The following PSMA6 variants were observed in gnomAD, a reference collection of about 807,000 sequenced individuals.
PSMA6 encodes the protein proteasome subunit alpha type-6.
For synonymous variants in PSMA6, 88 were observed against 97.7 expected (o/e 0.90, Z 0.59); for missense variants, 170 against 294.8 (o/e 0.58, Z 3.10).
In PSMA6 at chr14:35,317,314, C is replaced by T. The variant is rs769922191; in HGVS notation, c.*8C>T. The T allele has an allele frequency of 5.0e-6, 8 of 1,600,660 alleles. No homozygotes were observed. Among genetic ancestry groups the T allele is most frequent in the East Asian group, 4.5e-5 (2 of 44,810 alleles). ...CTAGCAGAGAGAGACTAAACATTGT[C>T]GTTAGTTTACCAGATCCGTGATGCC... On this transcript the variant is annotated 3_prime_UTR_variant, in exon 7 of 7. Transcript: ENST00000261479.
chr14:35,293,262 C>T (rs2051523498), intron 1 of PSMA6: 1 of 327,658 alleles, frequency 3.1e-6, no homozygotes, highest in South Asian at 2.4e-5. Flanking sequence ...AATGCCGATT[C>T]TGAGTTGTAG....
intron 1 of PSMA6, among the ~76,000 whole-genome samples, chr14:35,304,859 A>C (rs1423258083): frequency 6.6e-6 from 1 of 152,180 alleles, no homozygotes; most frequent in Non-Finnish European, 1.5e-5. Flanking sequence ...AGGCAAGAGG[A>C]TCATTTGAGG....
chr14:35,296,539 C>G (rs2051592006), intron 1 of PSMA6, among the ~76,000 whole-genome samples: 1 of 152,090 alleles, frequency 6.6e-6, no homozygotes, highest in South Asian at 2.1e-4. Context: ...CTATGTTGGC[C>G]AGGTTGGTCT....
upstream of PSMA6, chr14:35,292,312 T>A: frequency 6.9e-7 from 1 of 1,447,702 alleles, no homozygotes; most frequent in Non-Finnish European, 9.1e-7. Context: ...GCCTCAGAGC[T>A]CAGTGCTCGA....
At chr14:35,295,436 GA>G (rs1320589100) in intron 1 of PSMA6, among the ~76,000 whole-genome samples, 3 of 150,798 alleles carry the variant, frequency 2.0e-5, no homozygotes, top group African/African-American at 7.3e-5. Context: ...GGAGTGGAGA[GA>G]AAGACTTTTT....
rs769964539 is a variant in PSMA6 at position 35,312,608 on chromosome 14, A to G, written c.410-273A>G. 2.4e-4 allele frequency: 98 copies of G among 401,104 alleles called. No individual in the cohort carries two copies. In the Middle Eastern group the frequency reaches 2.5e-3, roughly 10 times the overall value. 24.8% of individuals were successfully genotyped at this position (401,104 alleles called of 1,614,324 possible). ...AAATAAACATGCTTGGATAACAGCA[A>G]GGATTGGAAACACTATTTTTAAATT... On this transcript the variant is annotated intron_variant, in intron 4 of 6. Transcript: ENST00000261479.
intron 1 of PSMA6, among the ~76,000 whole-genome samples, chr14:35,305,310 T>C (rs2051802909): frequency 6.6e-6 from 1 of 152,080 alleles, no homozygotes. Context: ...CTAGCTAACA[T>C]TTTTTTGTAG....
chr14:35,290,485 C>A (rs1042117532), upstream of PSMA6, among the ~76,000 whole-genome samples: 1 of 152,164 alleles, frequency 6.6e-6, no homozygotes, highest in African/African-American at 2.4e-5. Context: ...TTACCGTTTT[C>A]TTAACCATGT....
chr14:35,280,732 T>C (rs1280494642), intron 1 of PSMA6, among the ~76,000 whole-genome samples: 2 of 152,020 alleles, frequency 1.3e-5, no homozygotes, highest in Non-Finnish European at 2.9e-5. Context: ...TTGTTGTTTG[T>C]TTTCGAAATG....
chr14:35,289,943 A>G (rs2051460452), upstream of PSMA6, among the ~76,000 whole-genome samples: 1 of 150,878 alleles, frequency 6.6e-6, no homozygotes, highest in Non-Finnish European at 1.5e-5. Flanking sequence ...AAAAGGCAGA[A>G]TAGCAGAGCA....
upstream of PSMA6, chr14:35,292,254 C>G: frequency 7.5e-7 from 1 of 1,337,826 alleles, no homozygotes; most frequent in Non-Finnish European, 9.6e-7. Flanking sequence ...CAGGCGCATA[C>G]CTTCAAAGGC....
upstream of PSMA6, among the ~76,000 whole-genome samples, chr14:35,288,549 C>G (rs1049980294): frequency 3.3e-5 from 5 of 152,114 alleles, no homozygotes; most frequent in African/African-American, 1.2e-4. Context: ...ATGTGGCCAC[C>G]ACCCTCAAGG....
chr14:35,292,807 G>A, intron 1 of PSMA6: 6 of 613,884 alleles, frequency 9.8e-6, no homozygotes, highest in Admixed American at 2.9e-5. Flanking sequence ...AAGGAAGATA[G>A]GGCTGTAATG....
chr14:35,289,135 T>C (rs1236471972), upstream of PSMA6, among the ~76,000 whole-genome samples: 1 of 152,126 alleles, frequency 6.6e-6, no homozygotes, highest in African/African-American at 2.4e-5. Context: ...TAAATTCAGG[T>C]TTAAATAAAA....
intron 3 of PSMA6, among the ~76,000 whole-genome samples, chr14:35,309,733 T>C (rs1594391888): frequency 6.6e-6 from 1 of 151,954 alleles, no homozygotes; most frequent in South Asian, 2.1e-4. Flanking sequence ...GAGGCAGAGG[T>C]TGCAGTGAGC....
upstream of PSMA6, among the ~76,000 whole-genome samples, chr14:35,288,298 G>A (rs770653086): frequency 2.6e-5 from 4 of 152,232 alleles, no homozygotes; most frequent in East Asian, 1.9e-4. Context: ...AGGAGTTTGA[G>A]ACCAAACTGG....
chr14:35,296,811 G>T (rs2051598427), intron 1 of PSMA6, among the ~76,000 whole-genome samples: 1 of 152,214 alleles, frequency 6.6e-6, no homozygotes, highest in South Asian at 2.1e-4. Context: ...CTTTGAATCT[G>T]ATTTGAAATT....
Position 35,307,449 on chromosome 14 carries a change from TG to T in PSMA6, c.77-541del, listed in dbSNP as rs1444851212. Among the ~76,000 whole-genome samples, 3 of 152,162 alleles carry T rather than the reference TG, an allele frequency of 2.0e-5. No individual in the cohort carries two copies. The East Asian group carries it at 5.8e-4, about 29-fold the overall frequency. On this transcript the variant is annotated intron_variant, in intron 1 of 6. Transcript: ENST00000261479. The stretch of plus-strand genomic sequence containing the variant: ...GATAAAAATTAAATTAAACCATTAT[TG>T]GGGCGGGGAGTGGTGGCTCACACCT...
At chr14:35,281,224 T>C (rs948638555) in intron 1 of PSMA6, among the ~76,000 whole-genome samples, 2 of 152,194 alleles carry the variant, frequency 1.3e-5, no homozygotes, top group African/African-American at 4.8e-5. Context: ...TTCTAAACCT[T>C]ATTTTGAGTA....
Sources: allele counts gnomAD v4.1 joint callset (sites outside exome capture counted in the v4.1 genomes callset), GRCh38; gene constraint gnomAD v4.1.1; transcripts MANE v1.5; gene names NCBI Gene and HGNC (gene_info 2026-07-23, HGNC 2026-07-21).